Variants in TRAPPC10 observed in about 807,000 individuals in gnomAD.
The protein encoded by TRAPPC10 is trafficking protein particle complex subunit 10.
A neutral mutation model predicts 125.5 loss-of-function variants in TRAPPC10; 23 were observed. The observed-to-expected ratio is 0.18, with a 90% CI of 0.13 to 0.26. TRAPPC10 has a LOEUF of 0.26. Ranked by LOEUF, TRAPPC10 falls within the 10% of genes least tolerant of loss-of-function variation. TRAPPC10 has a pLI of 1.00. For missense variants in TRAPPC10, 1,123 were observed against 1,308.4 expected (o/e 0.86, Z 2.19); for synonymous variants, 509 against 518.0 (o/e 0.98, Z 0.24).
At position 44,059,607 on chromosome 21, in the gene TRAPPC10, T is replaced by C; in HGVS notation, c.790+393T>C. On this transcript the variant is annotated intron_variant, in intron 6 of 22. Coordinates refer to ENST00000291574, the MANE Select transcript of TRAPPC10 (RefSeq NM_003274.5). The surrounding 1 kb of genome is among the most constrained non-coding windows in gnomAD (Gnocchi z 4.4). ...TCGAGTGCTCATTGCTGTGAACTTA[T>C]AAAATGCCCTTGGGTGTTCATCTTT... is the stretch of plus-strand genomic sequence containing the variant. 2 of 659,452 alleles carry C rather than the reference T, an allele frequency of 3.0e-6. No homozygotes were observed. Among genetic ancestry groups the C allele is most frequent in the South Asian group, 1.7e-5 (1 of 58,332 alleles). The allele number at this position is 659,452 out of a possible 1,614,324, so 40.9% of individuals were successfully genotyped here. A position where few individuals can be genotyped will look rare whatever the true frequency, so the allele number is the denominator to read the frequency against.
intron 1 of TRAPPC10, among the ~76,000 whole-genome samples, chr21:44,014,531 G>A (rs1304390221): frequency 3.3e-5 from 5 of 151,720 alleles, no homozygotes; most frequent in African/African-American, 4.8e-5. Context: ...TCGGCCTCCC[G>A]AGTAGCTGGG....
At chr21:44,094,336 A>T in intron 20 of TRAPPC10, 103 bp downstream of exon 20, 1 of 1,117,526 alleles carries the variant, frequency 8.9e-7, no homozygotes, top group Non-Finnish European at 1.3e-6. Flanking sequence ...TGTCAACATA[A>T]TGAAGGAGCA....
At chr21:44,017,309 A>T (rs2147124845) in intron 1 of TRAPPC10, among the ~76,000 whole-genome samples, 1 of 152,272 alleles carries the variant, frequency 6.6e-6, no homozygotes, top group South Asian at 2.1e-4. Flanking sequence ...CTCGGTTCTT[A>T]CATAATTTCA....
chr21:44,076,640 C>T lies in TRAPPC10; in HGVS notation c.1377+12C>T, dbSNP rs768139408. 5.0e-6 allele frequency: 8 copies of T among 1,590,702 alleles called. No homozygotes were observed. The highest frequency in any genetic ancestry group is 1.7e-5 in the Admixed American group (1 of 59,978). On this transcript the variant is annotated intron_variant, in intron 10 of 22. Coordinates refer to ENST00000291574, the MANE Select transcript of TRAPPC10 (RefSeq NM_003274.5). ...AAAAACACTACTTAGTAAGTATTAA[C>T]AAGTGTTCAATGTCTGTTCTGTGAA...
intron 1 of TRAPPC10, among the ~76,000 whole-genome samples, chr21:44,014,383 AT>A (rs11413186): frequency 8.7e-4 from 127 of 146,410 alleles, no homozygotes; most frequent in Middle Eastern, 3.5e-3. Context: ...AGCAGAGTGA[AT>A]TTTTTTTTTT....
chr21:44,034,332 A>ACCCCCCCCCCCCCCCCCCCC (rs71197877), intron 2 of TRAPPC10, among the ~76,000 whole-genome samples: 1 of 101,552 alleles, frequency 9.8e-6, no homozygotes. Context: ...CACTCCCCCA[A>ACCCCCCCCCCCCCCCCCCCC]CCCCCCCCCC....
At chr21:44,028,885 G>C (rs966176533) in intron 1 of TRAPPC10, among the ~76,000 whole-genome samples, 3 of 152,172 alleles carry the variant, frequency 2.0e-5, no homozygotes, top group Non-Finnish European at 4.4e-5. Flanking sequence ...TCATGCCTCT[G>C]TTGCCCGTGG....
intron 1 of TRAPPC10, among the ~76,000 whole-genome samples, chr21:44,013,876 A>C (rs2031488908): frequency 1.3e-5 from 2 of 151,924 alleles, no homozygotes; most frequent in Admixed American, 6.6e-5. Context: ...GTCTTTTCCT[A>C]CTCTGCACCT....
intron 3 of TRAPPC10, among the ~76,000 whole-genome samples, 183 bp downstream of exon 3, chr21:44,038,110 T>C (rs955669915): frequency 2.0e-5 from 3 of 152,044 alleles, no homozygotes; most frequent in African/African-American, 7.3e-5. Context: ...TGGAAAGGTG[T>C]GGGTCTAGGC....
At chr21:44,069,102 G>T (rs1420328843) in intron 7 of TRAPPC10, among the ~76,000 whole-genome samples, 2 of 152,106 alleles carry the variant, frequency 1.3e-5, no homozygotes, top group Non-Finnish European at 2.9e-5. Flanking sequence ...GGACCTTAAG[G>T]TTGGCAAATA....
At chr21:44,032,032 C>A in intron 1 of TRAPPC10, 59 bp from the exon 2 acceptor site, 2 of 1,374,628 alleles carry the variant, frequency 1.5e-6, no homozygotes, top group African/African-American at 1.4e-5. Flanking sequence ...AGCTCTAGAG[C>A]CATTTTGCAT....
chr21:44,060,495 T>C (rs1000288901), intron 6 of TRAPPC10, among the ~76,000 whole-genome samples: 4 of 152,178 alleles, frequency 2.6e-5, no homozygotes, highest in African/African-American at 7.2e-5. Context: ...TTAGCCAGGA[T>C]GGTCTCGATC....
chr21:44,084,334 A>G, intron 15 of TRAPPC10, 71 bp downstream of exon 15: 6 of 1,460,390 alleles, frequency 4.1e-6, no homozygotes, highest in Middle Eastern at 3.6e-4. Flanking sequence ...CTGAGATGCC[A>G]GGCTTCTCAT....
chr21:44,078,057 A>G (rs1460040267), intron 11 of TRAPPC10, among the ~76,000 whole-genome samples: 1 of 152,204 alleles, frequency 6.6e-6, no homozygotes, highest in Non-Finnish European at 1.5e-5. Context: ...TTAAAGAATT[A>G]TAAGACAGTA....
chr21:44,045,212 C>T (rs1412331519), intron 3 of TRAPPC10, among the ~76,000 whole-genome samples: 3 of 152,100 alleles, frequency 2.0e-5, no homozygotes, highest in Non-Finnish European at 4.4e-5. Flanking sequence ...GGATTACAGG[C>T]GTGAGCCACC....
At chr21:44,071,474 C>G (rs761465240) in intron 7 of TRAPPC10, among the ~76,000 whole-genome samples, 1 of 152,168 alleles carries the variant, frequency 6.6e-6, no homozygotes, top group Non-Finnish European at 1.5e-5. Context: ...TGTGGAAGGT[C>G]TCGCTGCTGT....
chr21:44,048,159 C>T (rs531286251), intron 3 of TRAPPC10, among the ~76,000 whole-genome samples: 4 of 152,302 alleles, frequency 2.6e-5, no homozygotes, highest in East Asian at 1.9e-4. Context: ...TGTACTTACT[C>T]GTCAGTTCCC....
chr21:44,049,789 C>T (rs1478897336), intron 3 of TRAPPC10, among the ~76,000 whole-genome samples: 1 of 152,212 alleles, frequency 6.6e-6, no homozygotes, highest in Non-Finnish European at 1.5e-5. Context: ...GGAGCTGGAG[C>T]CTTCCCCTCT....
At chr21:44,074,522 T>G (rs1387379699) in intron 8 of TRAPPC10, 52 bp downstream of exon 8, 6 of 1,609,202 alleles carry the variant, frequency 3.7e-6, no homozygotes, top group Non-Finnish European at 5.1e-6. Context: ...CGGCCATGCC[T>G]GGGTGGCGGA....
Sources: gnomAD v4.1 joint callset for allele counts (sites outside exome capture counted in the v4.1 genomes callset) on GRCh38, gnomAD v4.1.1 for gene constraint, Gnocchi (gnomAD v3.1) non-coding constraint, MANE v1.5 for transcripts, NCBI Gene and HGNC (gene_info 2026-07-23, HGNC 2026-07-21) for gene names.